The following ANO3 variants were observed in gnomAD, a reference collection of about 807,000 sequenced individuals.
ANO3 encodes anoctamin-3.
ANO3 carries 99 observed loss-of-function variants against 144.8 expected under a neutral mutation model. The ratio of observed to expected loss-of-function variants is 0.68; its 90% confidence interval spans 0.58 to 0.81. The LOEUF is 0.81. Ranked by LOEUF, ANO3 falls within the 30% of genes least tolerant of loss-of-function variation. ANO3 has a pLI of 0.00. For missense variants in ANO3, 905 were observed against 1,202.2 expected (o/e 0.75, Z 3.66); for synonymous variants, 414 against 392.6 (o/e 1.05, Z -0.64).
intron 1 of ANO3, among the ~76,000 whole-genome samples, chr11:26,276,442 TC>T (rs1169706195): frequency 6.6e-6 from 1 of 151,996 alleles, no homozygotes; most frequent in Non-Finnish European, 1.5e-5. Context: ...AACTCTTTGC[TC>T]TTTCCAAGAA....
chr11:26,495,509 C>A (rs1860899544), intron 4 of ANO3, among the ~76,000 whole-genome samples: 1 of 152,152 alleles, frequency 6.6e-6, no homozygotes, highest in Non-Finnish European at 1.5e-5. Flanking sequence ...TCCATGCCAG[C>A]TTTCCAAAGA....
intron 1 of ANO3, among the ~76,000 whole-genome samples, chr11:26,396,785 G>T (rs962873590): frequency 6.6e-6 from 1 of 151,828 alleles, no homozygotes; most frequent in Non-Finnish European, 1.5e-5. Flanking sequence ...CACGTCGGGG[G>T]CCTGTCAGGT....
intron 17 of ANO3, among the ~76,000 whole-genome samples, chr11:26,602,232 ATAT>A (rs1300288999): frequency 6.6e-6 from 1 of 152,236 alleles, no homozygotes; most frequent in Admixed American, 6.5e-5. Context: ...TCTGTGAAGC[ATAT>A]TAGAATAAAG....
chr11:26,265,609 G>A (rs1007766764), intron 1 of ANO3, among the ~76,000 whole-genome samples: 1 of 152,190 alleles, frequency 6.6e-6, no homozygotes, highest in African/African-American at 2.4e-5. Context: ...CACACCATGA[G>A]CAATACCACC....
intron 14 of ANO3, chr11:26,560,908 A>C (rs1256553484): frequency 1.2e-5 from 8 of 673,866 alleles, no homozygotes; most frequent in Admixed American, 3.7e-5. Context: ...TGGATGATAC[A>C]TCCTGTCTAC....
chr11:26,235,545 GA>G (rs1388439850), intron 1 of ANO3, among the ~76,000 whole-genome samples: 2 of 147,916 alleles, frequency 1.4e-5, no homozygotes, highest in Admixed American at 6.7e-5. Context: ...ATATTACTGT[GA>G]AAAAAATAAG....
chr11:26,634,088 A>AC (rs1852872537), intron 18 of ANO3, 116 bp from the exon 19 acceptor site: 2 of 523,846 alleles, frequency 3.8e-6, no homozygotes, highest in Non-Finnish European at 6.6e-6. Context: ...TCCAAAAAAA[A>AC]AAAAAAAAAA....
intron 14 of ANO3, among the ~76,000 whole-genome samples, chr11:26,590,990 T>C (rs1851433842): frequency 6.6e-6 from 1 of 152,116 alleles, no homozygotes; most frequent in African/African-American, 2.4e-5. Flanking sequence ...CCGAATATTG[T>C]CCCTCCCCCA....
chr11:26,198,115 G>A (rs1008545592), intron 1 of ANO3, among the ~76,000 whole-genome samples: 3 of 152,152 alleles, frequency 2.0e-5, no homozygotes, highest in African/African-American at 4.8e-5. Context: ...TCCACCATAA[G>A]AGGCACATGT....
chr11:26,621,195 A>G (rs1336601996), intron 17 of ANO3, among the ~76,000 whole-genome samples: 1 of 152,170 alleles, frequency 6.6e-6, no homozygotes, highest in Non-Finnish European at 1.5e-5. Context: ...TAACACCCCA[A>G]ACAAGGCATT....
intron 1 of ANO3, among the ~76,000 whole-genome samples, chr11:26,426,362 G>GT (rs1017517026): frequency 3.3e-5 from 5 of 152,110 alleles, no homozygotes; most frequent in African/African-American, 9.7e-5. Flanking sequence ...TGCTATTCAC[G>GT]TAAGTGTGAA....
At chr11:26,486,377 A>AAAAAAAAAG (rs780384502) in intron 4 of ANO3, among the ~76,000 whole-genome samples, 1 of 149,650 alleles carries the variant, frequency 6.7e-6, no homozygotes, top group Non-Finnish European at 1.5e-5. Flanking sequence ...AAAAAAAAAA[A>AAAAAAAAAG]AAGGAAGTCA....
intron 1 of ANO3, among the ~76,000 whole-genome samples, chr11:26,369,752 T>C (rs1287660621): frequency 6.6e-6 from 1 of 152,210 alleles, no homozygotes; most frequent in Non-Finnish European, 1.5e-5. Flanking sequence ...CAGTTTTTTT[T>C]CTTCAAACAC....
chr11:26,598,763 A>G, intron 15 of ANO3, 95 bp from the exon 16 acceptor site: 1 of 1,308,270 alleles, frequency 7.6e-7, no homozygotes, highest in Non-Finnish European at 1.0e-6. Context: ...TTAATACAAA[A>G]GTAGGCCAAA....
At chr11:26,286,575 G>T (rs1325425898) in intron 1 of ANO3, among the ~76,000 whole-genome samples, 1 of 152,138 alleles carries the variant, frequency 6.6e-6, no homozygotes, top group Admixed American at 6.5e-5. Context: ...CATGTGATAT[G>T]AATTGCCTTG....
At chr11:26,610,014 C>G (rs933933186) in intron 17 of ANO3, among the ~76,000 whole-genome samples, 13 of 152,330 alleles carry the variant, frequency 8.5e-5, no homozygotes, top group Non-Finnish European at 1.8e-4. Context: ...TGGGTTCAAG[C>G]GATTCTCCTG....
chr11:26,375,200 T>G (rs943686194), intron 1 of ANO3, among the ~76,000 whole-genome samples: 2 of 152,150 alleles, frequency 1.3e-5, no homozygotes, highest in Admixed American at 1.3e-4. Flanking sequence ...GAGTACACAA[T>G]CCACATCACT....
chr11:26,505,576 A>C (rs2134132336), intron 4 of ANO3, among the ~76,000 whole-genome samples: 1 of 152,332 alleles, frequency 6.6e-6, no homozygotes, highest in East Asian at 1.9e-4. Context: ...ACGAGTGACC[A>C]CTTAACTAGG....
chr11:26,272,626 C>T (rs1853466764), intron 1 of ANO3, among the ~76,000 whole-genome samples: 1 of 152,082 alleles, frequency 6.6e-6, no homozygotes, highest in Non-Finnish European at 1.5e-5. Context: ...GAAGATTTGG[C>T]TTCAAAAATG....
Sources: gnomAD v4.1 joint callset for allele counts (sites outside exome capture counted in the v4.1 genomes callset) on GRCh38, gnomAD v4.1.1 for gene constraint, MANE v1.5 for transcripts, NCBI Gene and HGNC (gene_info 2026-07-23, HGNC 2026-07-21) for gene names.